Variants in TPMT observed in about 807,000 individuals in gnomAD.
The protein encoded by TPMT is thiopurine S-methyltransferase.
In TPMT, 18 loss-of-function variants were observed where a neutral mutation model predicts 34.2. The observed-to-expected ratio is 0.53, with a 90% CI of 0.36 to 0.78. TPMT has a LOEUF of 0.78. Among genes scored for constraint, TPMT ranks in the 30% least tolerant of loss-of-function variants. The probability of loss-of-function intolerance (pLI) is 0.00; values close to 1 mark genes in which losing one functional copy is unlikely to be tolerated. For missense variants in TPMT, 265 were observed against 288.1 expected, an observed-to-expected ratio of 0.92 and a Z score of 0.58; for synonymous variants, 69 against 92.4, an observed-to-expected ratio of 0.75 and a Z score of 1.45.
Position 18,135,459 on chromosome 6 carries a change from T to C in TPMT, c.495-1570A>G, listed in dbSNP as rs9477634. Among the ~76,000 whole-genome samples the C allele has an allele frequency of 0.11, 16,984 of 152,154 alleles. 2,549 individuals carry two copies. Among genetic ancestry groups the C allele is most frequent in the African/African-American group, 0.34 (14,260 of 41,472 alleles). ...TACATCAGTACTTGACAATGTACAA[T>C]CTAAGGAGAAGACACCCAGTCCTAA... is the stretch of plus-strand genomic sequence containing the variant. On this transcript the variant is annotated intron_variant, in intron 6 of 8. Transcript: ENST00000309983. This position sits in a 1 kb window ranked among gnomAD's most constrained non-coding sequence, Gnocchi z 5.0.
intron 3 of TPMT, among the ~76,000 whole-genome samples, chr6:18,147,418 G>C (rs1017577096): frequency 6.6e-6 from 1 of 152,162 alleles, no homozygotes; most frequent in South Asian, 2.1e-4. Flanking sequence ...TGTGGACTAT[G>C]AACATTGTCC....
At position 18,135,420 on chromosome 6, in the gene TPMT, G is replaced by A. The variant is rs796770619; in HGVS notation, c.495-1531C>T. Among the ~76,000 whole-genome samples, 2 of 152,288 alleles carry A rather than the reference G, an allele frequency of 1.3e-5. No individual in the cohort carries two copies. Among genetic ancestry groups the A allele is most frequent in the African/African-American group, 4.8e-5 (2 of 41,554 alleles). On this transcript the variant is annotated intron_variant, in intron 6 of 8. Transcript: ENST00000309983. The surrounding 1 kb of genome is among the most constrained non-coding windows in gnomAD (Gnocchi z 5.0). Reference sequence around the variant, plus strand: ...GTTTACATTAGGCAAGAACTCGAGAGTCACAGCAGAAAATACATCAGTACT... The same window carrying A: ...GTTTACATTAGGCAAGAACTCGAGAATCACAGCAGAAAATACATCAGTACT...
chr6:18,130,716 C>G lies in TPMT; in HGVS notation c.690G>C (p.Trp230Cys). Residue 230 changes from tryptophan (W) to cysteine (C), a missense_variant, in exon 9 of 9, where the codon TGG (tryptophan) becomes TGC (cysteine). By Grantham distance (215) the Trp-to-Cys change is radical (BLOSUM62 -2). Coordinates refer to ENST00000309983, the MANE Select transcript of TPMT (RefSeq NM_000367.5). This position sits in a 1 kb window ranked among gnomAD's most constrained non-coding sequence, Gnocchi z 4.2. ...VDAFEERHKSWGIDCLFEKLY... is the reference protein window; with the variant it reads ...VDAFEERHKSCGIDCLFEKLY... ...ACTTTTCAAAAAGACAGTCAATTCCCCAACTTTTATGTCGTTCTTCAAAAG... is the reference window on the plus strand; with the variant it reads ...ACTTTTCAAAAAGACAGTCAATTCCGCAACTTTTATGTCGTTCTTCAAAAG... 6.2e-7 allele frequency: 1 copy of G among 1,613,220 alleles called. No homozygotes were observed. The highest frequency in any genetic ancestry group is 1.3e-5 in the African/African-American group (1 of 75,000).
In TPMT at chr6:18,147,742, T is replaced by C. The variant is rs550248463; in HGVS notation, c.233+81A>G. 8.2e-5 allele frequency: 109 copies of C among 1,335,570 alleles called. 4 individuals are homozygous for C. In the South Asian group the frequency reaches 1.3e-3, roughly 16 times the overall value. The allele number at this position is 1,335,570 out of a possible 1,614,324, so 82.7% of individuals were successfully genotyped here. On this transcript the variant is annotated intron_variant, in intron 3 of 8. Transcript: ENST00000309983. Reference sequence around the variant, plus strand: ...CTGTGTATTTCCTGAAAATGGAGTTTTAAAACTCACATCCTGTTAAATCAC... The same window carrying C: ...CTGTGTATTTCCTGAAAATGGAGTTCTAAAACTCACATCCTGTTAAATCAC...
In TPMT at chr6:18,149,662, C is replaced by T. The variant is rs1784317100; in HGVS notation, c.-44-491G>A. Among the ~76,000 whole-genome samples the T allele has an allele frequency of 6.6e-6, 1 of 151,956 alleles. No individual in the cohort carries two copies. The highest frequency in any genetic ancestry group is 2.4e-5 in the African/African-American group (1 of 41,378). On this transcript the variant is annotated intron_variant, in intron 1 of 8. Coordinates refer to ENST00000309983, the MANE Select transcript of TPMT (RefSeq NM_000367.5). This position sits in a 1 kb window ranked among gnomAD's most constrained non-coding sequence, Gnocchi z 5.0. The stretch of plus-strand genomic sequence containing the variant: ...TATATTTTTTAATAGAGATGGTTCT[C>T]ATTTTGTTGTCCAGACAACAAAGAA...
At position 18,131,823 on chromosome 6, in the gene TPMT, G is replaced by A. The variant is rs375731447; in HGVS notation, c.625+310C>T. On this transcript the variant is annotated intron_variant, in intron 8 of 8. Transcript: ENST00000309983. The surrounding 1 kb of genome is among the most constrained non-coding windows in gnomAD (Gnocchi z 4.3). Reference sequence around the variant, plus strand: ...GATGGAGTCTCACTCTGTTACCCACGCTGGAGTGCAGTGGCACAATCTTGG... The same window carrying A: ...GATGGAGTCTCACTCTGTTACCCACACTGGAGTGCAGTGGCACAATCTTGG... 6.6e-6 allele frequency among the ~76,000 whole-genome samples: 1 copy of A among 151,000 alleles called. No homozygotes were observed. Among genetic ancestry groups the A allele is most frequent in the Non-Finnish European group, 1.5e-5 (1 of 67,886 alleles).
In TPMT at chr6:18,129,330, G is replaced by A. The variant is rs1034668496; in HGVS notation, c.*1338C>T. ...GTAGAAGTTTGTACATGCAGGCCAA[G>A]GGGAACTAGAGAGGCTGACAAGACA... On this transcript the variant is annotated 3_prime_UTR_variant, in exon 9 of 9. Transcript: ENST00000309983. 1 of 152,216 alleles carries A rather than the reference G, an allele frequency of 6.6e-6. No homozygotes were observed. The highest frequency in any genetic ancestry group is 2.4e-5 in the African/African-American group (1 of 41,450). 9.4% of individuals were successfully genotyped at this position (152,216 alleles called of 1,614,324 possible).
chr6:18,138,370 C>A lies in TPMT; in HGVS notation c.494+593G>T, dbSNP rs1251157687. On this transcript the variant is annotated intron_variant, in intron 6 of 8. Transcript: ENST00000309983. This position sits in a 1 kb window ranked among gnomAD's most constrained non-coding sequence, Gnocchi z 4.1. ...CACTGCAGCTTTGAACTTCTGGGCTCACCCTCCTGCCTCAGCCTCCCAAGT... is the reference window on the plus strand; with the variant it reads ...CACTGCAGCTTTGAACTTCTGGGCTAACCCTCCTGCCTCAGCCTCCCAAGT... Among the ~76,000 whole-genome samples, 1 of 151,360 alleles carries A rather than the reference C, an allele frequency of 6.6e-6. No individual in the cohort carries two copies. The highest frequency in any genetic ancestry group is 2.4e-5 in the African/African-American group (1 of 41,126).
At chr6:18,141,515 T>C (rs1784141321) in intron 4 of TPMT, among the ~76,000 whole-genome samples, 2 of 151,974 alleles carry the variant, frequency 1.3e-5, no homozygotes, top group African/African-American at 2.4e-5. Flanking sequence ...AATTTTTGCA[T>C]TTTTAGTAGA....
rs1784090410 is a variant in TPMT at position 18,138,914 on chromosome 6, G to A, written c.494+49C>T. ...TTTTCTAGAACCCAGAAAAAGTATA[G>A]TATACTAAAAAATTAAGACAGCTAA... is the stretch of plus-strand genomic sequence containing the variant. On this transcript the variant is annotated intron_variant, in intron 6 of 8. Transcript: ENST00000309983. This position sits in a 1 kb window ranked among gnomAD's most constrained non-coding sequence, Gnocchi z 4.1. 4 of 1,474,030 alleles carry A rather than the reference G, an allele frequency of 2.7e-6. No individual in the cohort carries two copies. The highest frequency in any genetic ancestry group is 2.3e-5 in the East Asian group (1 of 44,242). The allele number at this position is 1,474,030 out of a possible 1,614,324, so 91.3% of individuals were successfully genotyped here. A position where few individuals can be genotyped will look rare whatever the true frequency, so the allele number is the denominator to read the frequency against.
intron 6 of TPMT, among the ~76,000 whole-genome samples, chr6:18,137,025 G>A (rs1435596244): frequency 1.3e-5 from 2 of 151,918 alleles, no homozygotes; most frequent in East Asian, 1.9e-4. Context: ...ATTAAGATGC[G>A]GCATGGTCTA....
Position 18,132,351 on chromosome 6 carries a change from A to G in TPMT, c.581-174T>C, listed in dbSNP as rs1031310923. Among the ~76,000 whole-genome samples, 1 of 152,196 alleles carries G rather than the reference A, an allele frequency of 6.6e-6. No individual in the cohort carries two copies. Among genetic ancestry groups the G allele is most frequent in the East Asian group, 1.9e-4 (1 of 5,188 alleles). On this transcript the variant is annotated intron_variant, in intron 7 of 8. Transcript: ENST00000309983. The surrounding 1 kb of genome is among the most constrained non-coding windows in gnomAD (Gnocchi z 4.8). ...CTTACTGAGAGGATGGCAATGTTAC[A>G]TCCCCATCATATCCATCTTTAGCTT...
At position 18,149,630 on chromosome 6, in the gene TPMT, G is replaced by GTA. The variant is rs1041499167; in HGVS notation, c.-44-461_-44-460dup. Among the ~76,000 whole-genome samples the GTA allele has an allele frequency of 1.6e-4, 24 of 151,824 alleles. No homozygotes were observed. Among genetic ancestry groups the GTA allele is most frequent in the South Asian group, 8.3e-4 (4 of 4,802 alleles). The stretch of plus-strand genomic sequence containing the variant: ...ACACCACCACACCTGGTTAATTTTT[G>GTA]TATATATATATTTTTTAATAGAGAT... On this transcript the variant is annotated intron_variant, in intron 1 of 8. Coordinates refer to ENST00000309983, the MANE Select transcript of TPMT (RefSeq NM_000367.5). This position sits in a 1 kb window ranked among gnomAD's most constrained non-coding sequence, Gnocchi z 5.0.
chr6:18,144,727 A>T (rs374466345), intron 3 of TPMT, among the ~76,000 whole-genome samples: 21 of 146,186 alleles, frequency 1.4e-4, no homozygotes, highest in South Asian at 2.2e-4. Context: ...CCTCAAAAAA[A>T]ATTTTTTTTT....
chr6:18,149,260 T>A lies in TPMT; in HGVS notation c.-44-89A>T. On this transcript the variant is annotated intron_variant, in intron 1 of 8. Transcript: ENST00000309983. The surrounding 1 kb of genome is among the most constrained non-coding windows in gnomAD (Gnocchi z 5.0). ...TGAAAACCTATTATTCTTAGCAGTA[T>A]GACTTTTTAAAAATATTTCTTTCTT... The A allele has an allele frequency of 1.7e-6, 2 of 1,156,562 alleles. No homozygotes were observed. The highest frequency in any genetic ancestry group is 2.0e-4 in the Middle Eastern group (1 of 4,954). 71.6% of individuals were successfully genotyped at this position (1,156,562 alleles called of 1,614,324 possible).
chr6:18,147,636 T>C (rs974636004), intron 3 of TPMT, among the ~76,000 whole-genome samples, 187 bp downstream of exon 3: 3 of 152,210 alleles, frequency 2.0e-5, no homozygotes, highest in Non-Finnish European at 2.9e-5. Flanking sequence ...AAAGACTTCA[T>C]ACCTGTTTCT....
intron 7 of TPMT, among the ~76,000 whole-genome samples, chr6:18,133,258 T>C (rs1783980407): frequency 6.6e-6 from 1 of 152,214 alleles, no homozygotes; most frequent in Admixed American, 6.5e-5. Flanking sequence ...TTTGAATGCA[T>C]TAAAATGAGT....
chr6:18,143,879 C>A lies in TPMT; in HGVS notation c.234-151G>T. 1.9e-6 allele frequency: 2 copies of A among 1,071,026 alleles called. No individual in the cohort carries two copies. Among genetic ancestry groups the A allele is most frequent in the Non-Finnish European group, 2.7e-6 (2 of 749,858 alleles). 66.3% of individuals were successfully genotyped at this position (1,071,026 alleles called of 1,614,324 possible). A position where few individuals can be genotyped will look rare whatever the true frequency, so the allele number is the denominator to read the frequency against. Reference sequence around the variant, plus strand: ...TCAAAGAACATGCAGGAAAGCAGATCTATATTATTTTCAAACCTTATAAAA... The same window carrying A: ...TCAAAGAACATGCAGGAAAGCAGATATATATTATTTTCAAACCTTATAAAA... On this transcript the variant is annotated intron_variant, in intron 3 of 8. Transcript: ENST00000309983. This position sits in a 1 kb window ranked among gnomAD's most constrained non-coding sequence, Gnocchi z 6.1.
At chr6:18,137,024 C>T (rs1463295725) in intron 6 of TPMT, among the ~76,000 whole-genome samples, 1 of 151,774 alleles carries the variant, frequency 6.6e-6, no homozygotes, top group Non-Finnish European at 1.5e-5. Flanking sequence ...AATTAAGATG[C>T]GGCATGGTCT....
Sources: allele counts gnomAD v4.1 joint callset (sites outside exome capture counted in the v4.1 genomes callset), GRCh38; gene constraint gnomAD v4.1.1; non-coding constraint Gnocchi (gnomAD v3.1); transcripts MANE v1.5; gene names NCBI Gene and HGNC (gene_info 2026-07-23, HGNC 2026-07-21).